BLTP3B: variants seen among roughly 807,000 people sequenced by gnomAD.
BLTP3B encodes the protein bridge-like lipid transfer protein family member 3B.
At chr12:100,066,967 A>G in the BLTP3B span, among the ~76,000 whole-genome samples, 19 of 152,276 alleles carry the variant, frequency 1.2e-4, no homozygotes, top group South Asian at 3.3e-3. Context: ...TAAATTTAAG[A>G]AAGTTGAAAT....
At chr12:100,070,746 C>A in the BLTP3B span, among the ~76,000 whole-genome samples, 4 of 152,032 alleles carry the variant, frequency 2.6e-5, no homozygotes, top group Non-Finnish European at 5.9e-5. Flanking sequence ...GTAATCTCAG[C>A]ACTTTGGGAA....
the BLTP3B span, among the ~76,000 whole-genome samples, chr12:100,099,421 G>A: frequency 3.3e-5 from 5 of 151,466 alleles, no homozygotes; most frequent in South Asian, 1.1e-3. Context: ...TGAACCTGGA[G>A]TTTGAAACTA....
At chr12:100,059,316 T>G in the BLTP3B span, 73 of 1,613,972 alleles carry the variant, frequency 4.5e-5, no homozygotes, top group Non-Finnish European at 5.5e-5. Context: ...GAAAATTGGA[T>G]GTAGAAGATT....
chr12:100,111,008 TG>T, the BLTP3B span, among the ~76,000 whole-genome samples: 2 of 152,114 alleles, frequency 1.3e-5, no homozygotes, highest in Admixed American at 1.3e-4. Flanking sequence ...TGATTGGGTA[TG>T]TACAAGAATG....
the BLTP3B span, among the ~76,000 whole-genome samples, chr12:100,067,360 C>T: frequency 0.96 from 145,667 of 152,160 alleles, 69,776 homozygotes; most frequent in East Asian, 1. Context: ...CTAAATGAAA[C>T]TGAAACAAAC....
At chr12:100,103,203 A>G in the BLTP3B span, among the ~76,000 whole-genome samples, 10 of 152,196 alleles carry the variant, frequency 6.6e-5, no homozygotes, top group African/African-American at 2.4e-4. Flanking sequence ...TTATATATTA[A>G]TAAGTAGGAC....
chr12:100,083,827 A>G, the BLTP3B span, among the ~76,000 whole-genome samples: 2 of 152,190 alleles, frequency 1.3e-5, no homozygotes, highest in Non-Finnish European at 2.9e-5. Context: ...TAATTTTAAA[A>G]GTGCTTTGGT....
At chr12:100,082,276 C>T in the BLTP3B span, among the ~76,000 whole-genome samples, 2 of 152,186 alleles carry the variant, frequency 1.3e-5, no homozygotes, top group African/African-American at 4.8e-5. Context: ...CTTGTCGATT[C>T]AATTTCCTTA....
chr12:100,059,959 A>T, the BLTP3B span: 4 of 1,613,202 alleles, frequency 2.5e-6, no homozygotes, highest in Non-Finnish European at 3.4e-6. Context: ...TAAATCCAAC[A>T]GAAATTGATT....
chr12:100,111,024 T>C, the BLTP3B span, among the ~76,000 whole-genome samples: 1 of 152,132 alleles, frequency 6.6e-6, no homozygotes. Flanking sequence ...AGAATGTTCA[T>C]TTCAAGGATA....
the BLTP3B span, among the ~76,000 whole-genome samples, chr12:100,106,704 A>G: frequency 6.6e-6 from 1 of 152,222 alleles, no homozygotes; most frequent in Non-Finnish European, 1.5e-5. Context: ...TTACCACTAT[A>G]CAATTCACTC....
chr12:100,070,260 GC>G, the BLTP3B span: 14 of 1,394,676 alleles, frequency 1.0e-5, no homozygotes, highest in Admixed American at 3.6e-4. Context: ...AGGATTAAAT[GC>G]CAGAAGGTTT....
the BLTP3B span, among the ~76,000 whole-genome samples, chr12:100,107,803 T>C: frequency 6.6e-6 from 1 of 152,198 alleles, no homozygotes; most frequent in African/African-American, 2.4e-5. Flanking sequence ...GGCACAATCA[T>C]GACTCACTGC....
chr12:100,133,544 T>C, the BLTP3B span, among the ~76,000 whole-genome samples: 1 of 152,146 alleles, frequency 6.6e-6, no homozygotes. Context: ...AACACCTTAA[T>C]AGGCAGCACA....
the BLTP3B span, among the ~76,000 whole-genome samples, chr12:100,074,753 T>C: frequency 6.6e-6 from 1 of 151,918 alleles, no homozygotes; most frequent in Non-Finnish European, 1.5e-5. Context: ...AAAGCAACTC[T>C]AAGAAAAAAG....
chr12:100,041,523 G>A, the BLTP3B span, among the ~76,000 whole-genome samples: 20 of 130,242 alleles, frequency 1.5e-4, no homozygotes, highest in Admixed American at 1.9e-4. Context: ...TGCAACCACC[G>A]CCTCCTGGGT....
chr12:100,097,614 A>G, the BLTP3B span: 33 of 1,240,112 alleles, frequency 2.7e-5, no homozygotes, highest in Non-Finnish European at 3.4e-5. Context: ...TTTTCACATG[A>G]CATTTTAGAT....
the BLTP3B span, chr12:100,058,015 T>C: frequency 2.6e-6 from 4 of 1,543,150 alleles, no homozygotes; most frequent in Middle Eastern, 1.8e-4. Context: ...AAAAGGCCAA[T>C]AAAATGTTGT....
chr12:100,111,743 T>C, the BLTP3B span, among the ~76,000 whole-genome samples: 2 of 152,070 alleles, frequency 1.3e-5, no homozygotes, highest in Middle Eastern at 3.2e-3. Context: ...GAAGCTGGGA[T>C]GACAGGCACG....
Sources: allele counts gnomAD v4.1 joint callset (sites outside exome capture counted in the v4.1 genomes callset), GRCh38; gene constraint gnomAD v4.1.1; transcripts MANE v1.5; gene names NCBI Gene and HGNC (gene_info 2026-07-23, HGNC 2026-07-21).